The following MAST2 variants were observed in gnomAD, a reference collection of about 807,000 sequenced individuals.
MAST2 encodes the protein microtubule associated serine/threonine kinase 2, also known as microtubule-associated serine/threonine-protein kinase 2.
MAST2 carries 70 observed loss-of-function variants against 147.4 expected under a neutral mutation model. That is an observed-to-expected ratio of 0.47 (90% confidence interval 0.39 to 0.58). The LOEUF is 0.58. Among genes scored for constraint, MAST2 ranks in the 20% least tolerant of loss-of-function variants. The pLI is 0.00. For synonymous variants in MAST2, 869 were observed against 896.8 expected (o/e 0.97, Z 0.55); for missense variants, 2,080 against 2,302.3 (o/e 0.90, Z 1.98).
At chr1:46,017,283 A>G (rs1185988317) in intron 10 of MAST2, among the ~76,000 whole-genome samples, 2 of 152,208 alleles carry the variant, frequency 1.3e-5, no homozygotes, top group Non-Finnish European at 2.9e-5. Context: ...TTCATGTCTA[A>G]AGCACCAAAA....
chr1:45,915,586 T>C (rs1380435639), intron 4 of MAST2, among the ~76,000 whole-genome samples: 3 of 151,740 alleles, frequency 2.0e-5, no homozygotes, highest in Admixed American at 2.0e-4. Context: ...GGCGGGCGCC[T>C]GTAATCCCAG....
At chr1:46,030,858 G>A in intron 22 of MAST2, 97 bp downstream of exon 22, 5 of 1,474,502 alleles carry the variant, frequency 3.4e-6, no homozygotes, top group Non-Finnish European at 4.5e-6. Flanking sequence ...GAGTGCAGGT[G>A]GCAGGGAGGG....
intron 3 of MAST2, among the ~76,000 whole-genome samples, chr1:45,857,785 G>A (rs1007102230): frequency 3.4e-5 from 5 of 148,128 alleles, no homozygotes; most frequent in Admixed American, 2.0e-4. Context: ...AGTGTGTGAT[G>A]TTCCCCTTCC....
chr1:45,960,836 G>A (rs1256031152), intron 5 of MAST2, among the ~76,000 whole-genome samples: 2 of 152,236 alleles, frequency 1.3e-5, no homozygotes, highest in South Asian at 2.1e-4. Context: ...GACCTTGTCT[G>A]TCTTTGGGCG....
At chr1:46,006,581 A>G (rs532682118) in intron 8 of MAST2, 186 bp downstream of exon 8, 54 of 424,880 alleles carry the variant, frequency 1.3e-4, no homozygotes, top group Non-Finnish European at 1.9e-4. Flanking sequence ...CAAATAATAT[A>G]TAAACTTTAT....
At position 46,022,830 on chromosome 1, in the gene MAST2, C is replaced by T. The variant is rs1646244303; in HGVS notation, c.1424-80C>T. 1.8e-5 allele frequency: 18 copies of T among 1,023,206 alleles called. 1 individual carries two copies. The South Asian group carries it at 2.2e-4, about 12-fold the overall frequency. 63.4% of individuals were successfully genotyped at this position (1,023,206 alleles called of 1,614,324 possible). ...AAAGCATTAATGACTACCCTACATG[C>T]ACCTGTTGTGTGATCTGAGGATACT... is the stretch of plus-strand genomic sequence containing the variant. On this transcript the variant is annotated intron_variant, in intron 12 of 28. Coordinates refer to ENST00000361297, the MANE Select transcript of MAST2 (RefSeq NM_015112.3).
intron 4 of MAST2, among the ~76,000 whole-genome samples, chr1:45,953,441 A>G (rs568088269): frequency 1.1e-3 from 163 of 152,314 alleles, no homozygotes; most frequent in Non-Finnish European, 1.8e-3. Context: ...GGTGATTGGG[A>G]TACCTCTTAG....
At chr1:45,822,852 T>C (rs1644677962) in intron 1 of MAST2, among the ~76,000 whole-genome samples, 1 of 152,190 alleles carries the variant, frequency 6.6e-6, no homozygotes, top group Non-Finnish European at 1.5e-5. Flanking sequence ...ATCCTTGACA[T>C]GCCAAATAGT....
chr1:45,836,596 A>C (rs1424143012), intron 3 of MAST2, among the ~76,000 whole-genome samples: 2 of 152,138 alleles, frequency 1.3e-5, no homozygotes. Context: ...CAAATTCAGC[A>C]CTTCCCCTTT....
At chr1:45,929,658 G>A (rs1654963374) in intron 4 of MAST2, among the ~76,000 whole-genome samples, 1 of 152,180 alleles carries the variant, frequency 6.6e-6, no homozygotes, top group African/African-American at 2.4e-5. Flanking sequence ...TGGGCTTAGG[G>A]CTAGAGAGTC....
chr1:45,804,091 C>T lies in MAST2; in HGVS notation c.177+19C>T, dbSNP rs1644067092. On this transcript the variant is annotated intron_variant, in intron 1 of 28. Coordinates refer to ENST00000361297, the MANE Select transcript of MAST2 (RefSeq NM_015112.3). ...GGAGCAGGTAGGGCGGGTTGGGATC[C>T]GGGAGGGTGAACCTGAATGGAAGCC... 2 of 1,132,620 alleles carry T rather than the reference C, an allele frequency of 1.8e-6. No individual in the cohort carries two copies. Among genetic ancestry groups the T allele is most frequent in the East Asian group, 4.8e-5 (1 of 20,944 alleles). 70.2% of individuals were successfully genotyped at this position (1,132,620 alleles called of 1,614,324 possible). A position where few individuals can be genotyped will look rare whatever the true frequency, so the allele number is the denominator to read the frequency against.
Position 46,023,763 on chromosome 1 carries a change from G to GT in MAST2, c.1572-6dup. Reference sequence around the variant, plus strand: ...GTCCATGGGGGATGGGCCGGACTTTGTTTCCCAGGGCTGTATTTCTGGTGC... The same window carrying GT: ...GTCCATGGGGGATGGGCCGGACTTTGTTTTCCCAGGGCTGTATTTCTGGTGC... On this transcript the variant is annotated splice_polypyrimidine_tract_variant and intron_variant, in intron 14 of 28. Coordinates refer to ENST00000361297, the MANE Select transcript of MAST2 (RefSeq NM_015112.3). The surrounding 1 kb of genome is among the most constrained non-coding windows in gnomAD (Gnocchi z 4.9). 8 of 1,613,194 alleles carry GT rather than the reference G, an allele frequency of 5.0e-6. No homozygotes were observed. The highest frequency in any genetic ancestry group is 6.8e-6 in the Non-Finnish European group (8 of 1,179,446).
In MAST2 at chr1:46,019,658, G is replaced by A. The variant is rs752511904; in HGVS notation, c.1251G>A (p.Met417Ile). The change falls in exon 11 of 29, where the codon ATG becomes ATA. Residue 417 changes from methionine to isoleucine, a missense_variant. Physicochemically the swap from Met to Ile is conservative, Grantham distance 10 (BLOSUM62 1). Transcript: ENST00000361297. ...TGATGCAGCTGGTGAAAAAGCTGAT[G>A]ATTATCATTGCCCGCCCAGCACGTC... is the stretch of plus-strand genomic sequence containing the variant. ...AFVMQLVKKL[M>I]IIIARPARLL... 1 of 1,614,200 alleles carries A rather than the reference G, an allele frequency of 6.2e-7. No individual in the cohort carries two copies. Among genetic ancestry groups the A allele is most frequent in the South Asian group, 1.1e-5 (1 of 91,084 alleles).
chr1:45,825,528 G>A (rs1644765212), intron 2 of MAST2, among the ~76,000 whole-genome samples: 1 of 151,156 alleles, frequency 6.6e-6, no homozygotes, highest in South Asian at 2.1e-4. Flanking sequence ...TACCTCCCAG[G>A]TTCAAGTGAT....
chr1:45,923,663 C>T (rs1432575415), intron 4 of MAST2, among the ~76,000 whole-genome samples: 1 of 152,174 alleles, frequency 6.6e-6, no homozygotes, highest in Non-Finnish European at 1.5e-5. Flanking sequence ...TCTTAACAAC[C>T]ACACTGTTCC....
At chr1:45,872,167 G>A (rs1020256327) in intron 3 of MAST2, among the ~76,000 whole-genome samples, 4 of 152,228 alleles carry the variant, frequency 2.6e-5, no homozygotes, top group African/African-American at 9.7e-5. Context: ...TGCTACTGCA[G>A]TAGGGATCAA....
chr1:45,882,052 C>T (rs1366697809), intron 3 of MAST2, among the ~76,000 whole-genome samples: 2 of 130,876 alleles, frequency 1.5e-5, no homozygotes, highest in Admixed American at 8.3e-5. Context: ...ATTAGCCAGG[C>T]GTGGTGGCGG....
chr1:45,927,288 C>T (rs1397734990), intron 4 of MAST2, among the ~76,000 whole-genome samples: 1 of 151,164 alleles, frequency 6.6e-6, no homozygotes, highest in African/African-American at 2.4e-5. Flanking sequence ...AACATCTTAT[C>T]AGGAGATAGA....
At chr1:45,942,891 G>C (rs1278333586) in intron 4 of MAST2, among the ~76,000 whole-genome samples, 1 of 152,150 alleles carries the variant, frequency 6.6e-6, no homozygotes, top group Non-Finnish European at 1.5e-5. Flanking sequence ...CAGAGAGTTT[G>C]TTGCTTCTTA....
Sources: gnomAD v4.1 joint callset for allele counts (sites outside exome capture counted in the v4.1 genomes callset) on GRCh38, gnomAD v4.1.1 for gene constraint, Gnocchi (gnomAD v3.1) non-coding constraint, MANE v1.5 for transcripts, NCBI Gene and HGNC (gene_info 2026-07-23, HGNC 2026-07-21) for gene names.